The following ZC3H7B variants were observed in gnomAD, a reference collection of about 807,000 sequenced individuals.
ZC3H7B encodes the protein zinc finger CCCH-type containing 7B.
Under a neutral mutation model 116.0 loss-of-function variants are expected in ZC3H7B, and 35 were observed. The observed-to-expected ratio is 0.30, with a 90% CI of 0.23 to 0.40. The LOEUF (loss-of-function observed/expected upper bound fraction) is 0.40, where lower values mean the gene tolerates loss of function less well. ZC3H7B is among the 10% of genes least tolerant of loss of function. ZC3H7B has a pLI of 1.00. For synonymous variants in ZC3H7B, 502 were observed against 545.6 expected, an observed-to-expected ratio of 0.92 and a Z score of 1.11; for missense variants, 1,011 against 1,321.5, an observed-to-expected ratio of 0.77 and a Z score of 3.64.
chr22:41,321,870 C>T (rs1368094473), intron 2 of ZC3H7B, among the ~76,000 whole-genome samples: 87 of 107,296 alleles, frequency 8.1e-4, no homozygotes, highest in African/African-American at 3.4e-3. Flanking sequence ...GACGGAGTCT[C>T]GCTCTGTCGC....
rs1179921512 is a variant in ZC3H7B, at chr22:41,332,242, G to A, written c.582+15G>A. ...TGGCAGATCAGGTAGGATCGGGGCT[G>A]AACCAACCTGTCTCAGTTTATCCAT... is the stretch of plus-strand genomic sequence containing the variant. On this transcript the variant is annotated intron_variant, in intron 7 of 22. Coordinates refer to ENST00000352645, the MANE Select transcript of ZC3H7B (RefSeq NM_017590.6). 6.2e-7 allele frequency: 1 copy of A among 1,614,070 alleles called. No homozygotes were observed. Among genetic ancestry groups the A allele is most frequent in the Non-Finnish European group, 8.5e-7 (1 of 1,179,924 alleles).
chr22:41,359,215 T>A lies in ZC3H7B; in HGVS notation c.*1786T>A, dbSNP rs1391178889. The stretch of plus-strand genomic sequence containing the variant: ...TGTCGATGATACTCGTTTTCCCTGA[T>A]CCGTGGTGTTGCAGTCCGTTGTCAC... On this transcript the variant is annotated 3_prime_UTR_variant, in exon 23 of 23. Coordinates refer to ENST00000352645, the MANE Select transcript of ZC3H7B (RefSeq NM_017590.6). 6.5e-6 allele frequency: 1 copy of A among 152,818 alleles called. No individual in the cohort carries two copies. The highest frequency in any genetic ancestry group is 6.5e-5 in the Admixed American group (1 of 15,280). The allele number at this position is 152,818 out of a possible 1,614,324, so 9.5% of individuals were successfully genotyped here.
chr22:41,333,806 TGGACATTA>T (rs2036411054), intron 7 of ZC3H7B: 1 of 152,136 alleles, frequency 6.6e-6, no homozygotes, highest in Non-Finnish European at 1.5e-5. Flanking sequence ...CAGTCTAGGA[TGGACATTA>T]GGACATTAGG....
At chr22:41,334,484 A>G (rs1205654860) in intron 7 of ZC3H7B, 1 of 152,238 alleles carries the variant, frequency 6.6e-6, no homozygotes, top group Non-Finnish European at 1.5e-5. Flanking sequence ...CAGGCTGTTC[A>G]CCCATCCCTG....
At chr22:41,356,897 G>A (rs2036728185) in intron 22 of ZC3H7B, 89 bp downstream of exon 22, 1 of 1,576,342 alleles carries the variant, frequency 6.3e-7, no homozygotes, top group South Asian at 1.2e-5. Flanking sequence ...TTGGCCTGGA[G>A]GTGGTGTGCA....
intron 7 of ZC3H7B, chr22:41,333,376 C>T (rs1395269099): frequency 6.6e-6 from 1 of 152,094 alleles, no homozygotes; most frequent in Non-Finnish European, 1.5e-5. Context: ...CCTGTAATCC[C>T]AGCAATTTGG....
At chr22:41,326,139 T>TA (rs949364913) in intron 4 of ZC3H7B, among the ~76,000 whole-genome samples, 46 of 152,192 alleles carry the variant, frequency 3.0e-4, no homozygotes, top group African/African-American at 7.5e-4. Flanking sequence ...AAAAAGTTTT[T>TA]AAAAAAAATG....
At chr22:41,343,276 G>C in intron 12 of ZC3H7B, 139 bp from the exon 13 acceptor site, 1 of 1,119,424 alleles carries the variant, frequency 8.9e-7, no homozygotes, top group Non-Finnish European at 1.3e-6. Flanking sequence ...GAAGGGTGTG[G>C]TGGGAGCTGG....
chr22:41,346,131 G>T lies in ZC3H7B; in HGVS notation c.1588G>T (p.Gly530Trp), dbSNP rs764452934. Reference protein sequence around the residue: ...LNRDLLFDPLGGVKRGSLTIA... With the variant: ...LNRDLLFDPLWGVKRGSLTIA... Reference sequence around the variant, plus strand: ...CCGCGACCTGCTCTTCGACCCGCTGGGGGGTGTTAAGCGCGGCAGCCTCAC... The same window carrying T: ...CCGCGACCTGCTCTTCGACCCGCTGTGGGGTGTTAAGCGCGGCAGCCTCAC... The change falls in exon 14 of 23, where the codon GGG becomes TGG. Residue 530 changes from glycine to tryptophan, a missense_variant. Transcript: ENST00000352645. The surrounding 1 kb of genome is among the most constrained non-coding windows in gnomAD (Gnocchi z 5.3). 1 of 1,613,478 alleles carries T rather than the reference G, an allele frequency of 6.2e-7. No homozygotes were observed. Among genetic ancestry groups the T allele is most frequent in the Non-Finnish European group, 8.5e-7 (1 of 1,180,010 alleles).
rs761774866 is a variant in ZC3H7B at position 41,357,184 on chromosome 22, A to G, written c.2689A>G (p.Lys897Glu). 7 of 1,613,130 alleles carry G rather than the reference A, an allele frequency of 4.3e-6. No homozygotes were observed. In the Admixed American group the frequency reaches 1.2e-4, roughly 27 times the overall value. ...GCCTCCTGCCACCCACAGGCTCCAG[A>G]AGGGCAAAGCCTGCCCAGATGGGGA... is the stretch of plus-strand genomic sequence containing the variant. ...GEFRLCDRLQ[K>E]GKACPDGDKC... Residue 897 changes from lysine to glutamate, a missense_variant, in exon 23 of 23, where the codon AAG (lysine) becomes GAG (glutamate). By Grantham distance (56) the Lys-to-Glu change is moderately conservative (BLOSUM62 1). Around this residue, in one of 5 missense-constraint regions of ZC3H7B, gnomAD observed 406 missense variants for 590.2 expected, o/e 0.69. Coordinates refer to ENST00000352645, the MANE Select transcript of ZC3H7B (RefSeq NM_017590.6). The surrounding 1 kb of genome is among the most constrained non-coding windows in gnomAD (Gnocchi z 5.4).
intron 13 of ZC3H7B, among the ~76,000 whole-genome samples, chr22:41,344,794 G>C (rs1433484979): frequency 1.3e-5 from 2 of 152,152 alleles, no homozygotes; most frequent in Non-Finnish European, 2.9e-5. Context: ...CCAGCCCCCA[G>C]AAATTTTGTT....
intron 1 of ZC3H7B, among the ~76,000 whole-genome samples, chr22:41,319,689 A>G (rs1389862988): frequency 6.6e-6 from 1 of 151,672 alleles, no homozygotes; most frequent in Non-Finnish European, 1.5e-5. Context: ...ATTATGTGAT[A>G]TATTTATTGT....
At chr22:41,324,056 C>G (rs776119250) in intron 2 of ZC3H7B, among the ~76,000 whole-genome samples, 6 of 151,098 alleles carry the variant, frequency 4.0e-5, no homozygotes, top group Non-Finnish European at 8.8e-5. Context: ...GGCGACACAG[C>G]GAGACTCTGT....
At position 41,338,187 on chromosome 22, in the gene ZC3H7B, TC is replaced by T; in HGVS notation, c.583-122del. On this transcript the variant is annotated intron_variant, in intron 7 of 22. Coordinates refer to ENST00000352645, the MANE Select transcript of ZC3H7B (RefSeq NM_017590.6). The surrounding 1 kb of genome is among the most constrained non-coding windows in gnomAD (Gnocchi z 4.5). ...CTGGCCGCATGTGAGGGCTTTAATCTCCCCTGGCACTCTAAGTGCTCCTCGG... is the reference window on the plus strand; with the variant it reads ...CTGGCCGCATGTGAGGGCTTTAATCTCCCTGGCACTCTAAGTGCTCCTCGG... 2 of 985,000 alleles carry T rather than the reference TC, an allele frequency of 2.0e-6. No homozygotes were observed. Among genetic ancestry groups the T allele is most frequent in the South Asian group, 3.2e-5 (2 of 62,526 alleles). The allele number at this position is 985,000 out of a possible 1,614,324, so 61.0% of individuals were successfully genotyped here.
intron 1 of ZC3H7B, among the ~76,000 whole-genome samples, chr22:41,318,587 A>G (rs1366911148): frequency 6.6e-6 from 1 of 151,904 alleles, no homozygotes; most frequent in East Asian, 1.9e-4. Flanking sequence ...GTCTCTACAA[A>G]AAATTTTAAA....
rs143588657 is a variant in ZC3H7B at position 41,354,981 on chromosome 22, C to G, written c.2035-488C>G. Among the ~76,000 whole-genome samples the G allele has an allele frequency of 5.9e-3, 892 of 152,282 alleles. 8 individuals carry two copies. The highest frequency in any genetic ancestry group is 0.02 in the African/African-American group (846 of 41,540). The stretch of plus-strand genomic sequence containing the variant: ...GCTCTACAGGTTCGGCACTCATAGA[C>G]GGGTGAGTCGGTCAACAGGAGCAGT... On this transcript the variant is annotated intron_variant, in intron 17 of 22. Transcript: ENST00000352645.
At chr22:41,348,867 T>C (rs1445879520) in intron 15 of ZC3H7B, among the ~76,000 whole-genome samples, 3 of 152,150 alleles carry the variant, frequency 2.0e-5, no homozygotes, top group Non-Finnish European at 4.4e-5. Flanking sequence ...GGCGGTGCCC[T>C]TTGCTTGTTG....
chr22:41,354,318 G>A (rs943418345), intron 17 of ZC3H7B, among the ~76,000 whole-genome samples: 1 of 152,244 alleles, frequency 6.6e-6, no homozygotes, highest in African/African-American at 2.4e-5. Context: ...CTCCAGTGCA[G>A]GCCGTCCCAC....
intron 13 of ZC3H7B, among the ~76,000 whole-genome samples, chr22:41,345,119 C>T (rs1263380523): frequency 2.6e-5 from 4 of 152,218 alleles, no homozygotes; most frequent in East Asian, 1.9e-4. Flanking sequence ...CCAGCGCCCC[C>T]GCCAGCTTTA....
Sources: allele counts gnomAD v4.1 joint callset (sites outside exome capture counted in the v4.1 genomes callset), GRCh38; gene constraint gnomAD v4.1.1; regional missense constraint gnomAD v4.1.1; non-coding constraint Gnocchi (gnomAD v3.1); transcripts MANE v1.5; gene names NCBI Gene and HGNC (gene_info 2026-07-23, HGNC 2026-07-21).